Variants in KCNQ1 observed in about 807,000 individuals in gnomAD.
The protein encoded by KCNQ1 is potassium voltage-gated channel subfamily KQT member 1.
KCNQ1 carries 49 observed loss-of-function variants against 72.4 expected under a neutral mutation model. That is an observed-to-expected ratio of 0.68 (90% CI 0.54 to 0.86). KCNQ1 has a LOEUF of 0.86. Ranked by LOEUF, KCNQ1 falls within the 40% of genes least tolerant of loss-of-function variation. The pLI is 0.00. For synonymous variants in KCNQ1, 450 were observed against 412.6 expected (o/e 1.09, Z -1.10); for missense variants, 790 against 945.1 (o/e 0.84, Z 2.15).
At chr11:2,801,450 C>G (rs1388120205) in intron 15 of KCNQ1, among the ~76,000 whole-genome samples, 1 of 152,316 alleles carries the variant, frequency 6.6e-6, no homozygotes, top group East Asian at 1.9e-4. Context: ...AGTCCGAGAG[C>G]AAGGTTGTGG....
rs1846775322 is a variant in KCNQ1 at position 2,488,326 on chromosome 11, T to C, written c.387-39602T>C. On this transcript the variant is annotated intron_variant, in intron 1 of 15. Coordinates refer to ENST00000155840, the MANE Select transcript of KCNQ1 (RefSeq NM_000218.3). The surrounding 1 kb of genome is among the most constrained non-coding windows in gnomAD (Gnocchi z 5.1). ...GGGATATTGGTCTGTAGTTTTCTTG[T>C]AGTCTTTGTCTGGCTTTAGTATCAG... Among the ~76,000 whole-genome samples the C allele has an allele frequency of 6.6e-6, 1 of 152,252 alleles. No individual in the cohort carries two copies. The highest frequency in any genetic ancestry group is 6.5e-5 in the Admixed American group (1 of 15,288).
At chr11:2,573,791 T>G (rs1443604525) in intron 6 of KCNQ1, among the ~76,000 whole-genome samples, 3 of 152,072 alleles carry the variant, frequency 2.0e-5, no homozygotes. Context: ...GCCGTGTCTG[T>G]GGGGGCTTCC....
At position 2,645,539 on chromosome 11, in the gene KCNQ1, T is replaced by C. The variant is rs942780666; in HGVS notation, c.1394-16422T>C. The C allele has an allele frequency of 2.5e-6, 1 of 398,282 alleles. No individual in the cohort carries two copies. Among genetic ancestry groups the C allele is most frequent in the African/African-American group, 2.1e-5 (1 of 48,512 alleles). The allele number at this position is 398,282 out of a possible 1,614,324, so 24.7% of individuals were successfully genotyped here. On this transcript the variant is annotated intron_variant, in intron 10 of 15. Coordinates refer to ENST00000155840, the MANE Select transcript of KCNQ1 (RefSeq NM_000218.3). The surrounding 1 kb of genome is among the most constrained non-coding windows in gnomAD (Gnocchi z 5.8). ...CAGCCCTACTCCTGGGGAAGTTGAGTGGGATTGCTTTCAGTGGCAGCAGCT... is the reference window on the plus strand; with the variant it reads ...CAGCCCTACTCCTGGGGAAGTTGAGCGGGATTGCTTTCAGTGGCAGCAGCT...
intron 15 of KCNQ1, 51 bp downstream of exon 15, chr11:2,778,088 G>A (rs372581525): frequency 6.5e-7 from 1 of 1,545,946 alleles, no homozygotes. Context: ...CCTGGGGCCA[G>A]CAGGCACCTC....
Position 2,658,149 on chromosome 11 carries a change from T to C in KCNQ1, c.1394-3812T>C, listed in dbSNP as rs1849885557. 7.5e-6 allele frequency: 3 copies of C among 398,606 alleles called. No individual in the cohort carries two copies. The highest frequency in any genetic ancestry group is 1.3e-5 in the Non-Finnish European group (3 of 226,038). 24.7% of individuals were successfully genotyped at this position (398,606 alleles called of 1,614,324 possible). On this transcript the variant is annotated intron_variant, in intron 10 of 15. Coordinates refer to ENST00000155840, the MANE Select transcript of KCNQ1 (RefSeq NM_000218.3). The surrounding 1 kb of genome is among the most constrained non-coding windows in gnomAD (Gnocchi z 4.9). Reference sequence around the variant, plus strand: ...AAATATGTTAAAACTACCACAGCAATTAAAATACATTTCAAGGAAGAAACT... The same window carrying C: ...AAATATGTTAAAACTACCACAGCAACTAAAATACATTTCAAGGAAGAAACT...
At chr11:2,675,532 A>G (rs950596755) in intron 11 of KCNQ1, 3 of 398,568 alleles carry the variant, frequency 7.5e-6, no homozygotes, top group Non-Finnish European at 1.3e-5. Context: ...TTCTTCCAGA[A>G]TCACTCCACT....
chr11:2,560,540 C>CG (rs140805888), intron 2 of KCNQ1, among the ~76,000 whole-genome samples: 1,711 of 51,586 alleles, frequency 0.033, 25 homozygotes, highest in Admixed American at 0.081. Flanking sequence ...TCTGGGGGGG[C>CG]GGGGGGGGGT....
chr11:2,690,596 GT>G lies in KCNQ1; in HGVS notation c.1514+28516del, dbSNP rs1850572251. 2.5e-6 allele frequency: 1 copy of G among 398,594 alleles called. No individual in the cohort carries two copies. Among genetic ancestry groups the G allele is most frequent in the Non-Finnish European group, 4.4e-6 (1 of 226,118 alleles). 24.7% of individuals were successfully genotyped at this position (398,594 alleles called of 1,614,324 possible). ...GACAGAACCCACCTCCTGGCAGGGA[GT>G]GGGGCACACATATGTGCATGTTCAT... is the stretch of plus-strand genomic sequence containing the variant. On this transcript the variant is annotated intron_variant, in intron 11 of 15. Coordinates refer to ENST00000155840, the MANE Select transcript of KCNQ1 (RefSeq NM_000218.3). This position sits in a 1 kb window ranked among gnomAD's most constrained non-coding sequence, Gnocchi z 5.1.
rs1851045375 is a variant in KCNQ1 at position 2,713,851 on chromosome 11, C to T, written c.1514+51770C>T. ...GCCGTCTTACATTACTGCAATATTG[C>T]TTCCAGATGGGCAAACGCGCGCTCG... On this transcript the variant is annotated intron_variant, in intron 11 of 15. Coordinates refer to ENST00000155840, the MANE Select transcript of KCNQ1 (RefSeq NM_000218.3). The surrounding 1 kb of genome is among the most constrained non-coding windows in gnomAD (Gnocchi z 5.6). Among the ~76,000 whole-genome samples, 3 of 152,232 alleles carry T rather than the reference C, an allele frequency of 2.0e-5. No individual in the cohort carries two copies. The highest frequency in any genetic ancestry group is 4.1e-4 in the South Asian group (2 of 4,838).
rs1325780595 is a variant in KCNQ1, at chr11:2,598,927, A to C, written c.1393+10073A>C. ...CACCCAGGACCCATATGCAGCAAACAGTCTTGTGTCTCTGTCTGCTGCCAA... is the reference window on the plus strand; with the variant it reads ...CACCCAGGACCCATATGCAGCAAACCGTCTTGTGTCTCTGTCTGCTGCCAA... On this transcript the variant is annotated intron_variant, in intron 10 of 15. Coordinates refer to ENST00000155840, the MANE Select transcript of KCNQ1 (RefSeq NM_000218.3). The surrounding 1 kb of genome is among the most constrained non-coding windows in gnomAD (Gnocchi z 6.2). 2.0e-5 allele frequency among the ~76,000 whole-genome samples: 3 copies of C among 152,234 alleles called. No individual in the cohort carries two copies. Among genetic ancestry groups the C allele is most frequent in the Non-Finnish European group, 4.4e-5 (3 of 68,044 alleles).
At position 2,784,226 on chromosome 11, in the gene KCNQ1, T is replaced by G. The variant is rs570596892; in HGVS notation, c.1794+6189T>G. On this transcript the variant is annotated intron_variant, in intron 15 of 15. Coordinates refer to ENST00000155840, the MANE Select transcript of KCNQ1 (RefSeq NM_000218.3). This position sits in a 1 kb window ranked among gnomAD's most constrained non-coding sequence, Gnocchi z 4.7. Reference sequence around the variant, plus strand: ...ATTTGTTTTGTTTTATTCTTACTTATGGATATCCAATTGCCCCAGAACATT... The same window carrying G: ...ATTTGTTTTGTTTTATTCTTACTTAGGGATATCCAATTGCCCCAGAACATT... 6.6e-6 allele frequency among the ~76,000 whole-genome samples: 1 copy of G among 152,104 alleles called. No individual in the cohort carries two copies. The highest frequency in any genetic ancestry group is 2.1e-4 in the South Asian group (1 of 4,830).
intron 1 of KCNQ1, among the ~76,000 whole-genome samples, chr11:2,454,654 G>A (rs1846160636): frequency 6.6e-6 from 1 of 152,004 alleles, no homozygotes; most frequent in Non-Finnish European, 1.5e-5. Context: ...CATGTAAACA[G>A]AATTAAAAAC....
chr11:2,693,656 T>C (rs1348742985), intron 11 of KCNQ1: 5 of 398,524 alleles, frequency 1.3e-5, no homozygotes, highest in African/African-American at 8.2e-5. Context: ...GAAAGGCTTT[T>C]AGTTCCGCAG....
At chr11:2,524,805 C>T (rs1564806288) in intron 1 of KCNQ1, among the ~76,000 whole-genome samples, 1 of 152,198 alleles carries the variant, frequency 6.6e-6, no homozygotes, top group Non-Finnish European at 1.5e-5. Context: ...GATAAGGAAA[C>T]TGAGGCAGGG....
chr11:2,701,568 CTG>C (rs2133906775), intron 11 of KCNQ1, among the ~76,000 whole-genome samples: 1 of 152,356 alleles, frequency 6.6e-6, no homozygotes, highest in East Asian at 1.9e-4. Flanking sequence ...TATAATGTCA[CTG>C]TCTTGAAATT....
intron 15 of KCNQ1, among the ~76,000 whole-genome samples, chr11:2,821,137 G>A (rs1259836087): frequency 6.6e-6 from 1 of 152,228 alleles, no homozygotes; most frequent in Non-Finnish European, 1.5e-5. Flanking sequence ...GGTGGGGTGG[G>A]TCTGTCAAGT....
Position 2,624,716 on chromosome 11 carries a change from A to G in KCNQ1, c.1393+35862A>G, listed in dbSNP as rs759320876. ...TTGTCATTTGTAATTATGAAACTCT[A>G]TATCCATTAAACAATAATTCCCCAA... On this transcript the variant is annotated intron_variant, in intron 10 of 15. Transcript: ENST00000155840. This position sits in a 1 kb window ranked among gnomAD's most constrained non-coding sequence, Gnocchi z 4.9. The G allele has an allele frequency of 3.0e-5, 12 of 398,388 alleles. No individual in the cohort carries two copies. Among genetic ancestry groups the G allele is most frequent in the South Asian group, 1.3e-4 (1 of 7,846 alleles). 24.7% of individuals were successfully genotyped at this position (398,388 alleles called of 1,614,324 possible).
chr11:2,716,209 A>G (rs769156763), intron 11 of KCNQ1, among the ~76,000 whole-genome samples: 14 of 152,150 alleles, frequency 9.2e-5, no homozygotes, highest in Non-Finnish European at 1.9e-4. Context: ...CCAAAGCAAC[A>G]TGTACCCTCT....
chr11:2,640,583 G>A (rs565127208), intron 10 of KCNQ1: 21 of 389,606 alleles, frequency 5.4e-5, no homozygotes, highest in Non-Finnish European at 7.6e-5. Context: ...TTTTTTGACC[G>A]ATACATAATA....
Sources: allele counts gnomAD v4.1 joint callset (sites outside exome capture counted in the v4.1 genomes callset), GRCh38; gene constraint gnomAD v4.1.1; non-coding constraint Gnocchi (gnomAD v3.1); transcripts MANE v1.5; gene names NCBI Gene and HGNC (gene_info 2026-07-23, HGNC 2026-07-21).